Variants in LRRC1 observed in about 807,000 individuals in gnomAD.
LRRC1 encodes the protein leucine rich repeat containing 1.
A neutral mutation model predicts 69.9 loss-of-function variants in LRRC1; 28 were observed. The observed-to-expected ratio is 0.40, with a 90% CI of 0.30 to 0.55. LRRC1 has a LOEUF of 0.55. Ranked by LOEUF, LRRC1 falls within the 20% of genes least tolerant of loss-of-function variation. The pLI is 0.47. For synonymous variants in LRRC1, 236 were observed against 240.2 expected (o/e 0.98, Z 0.16); for missense variants, 498 against 609.0 (o/e 0.82, Z 1.92).
chr6:53,912,831 T>A (rs756073592), intron 10 of LRRC1, among the ~76,000 whole-genome samples: 12 of 152,218 alleles, frequency 7.9e-5, no homozygotes, highest in Non-Finnish European at 1.8e-4. Flanking sequence ...GTAGTATTTT[T>A]CCATGTGTTG....
intron 1 of LRRC1, among the ~76,000 whole-genome samples, chr6:53,808,975 G>A (rs1764713104): frequency 6.6e-6 from 1 of 152,160 alleles, no homozygotes; most frequent in Non-Finnish European, 1.5e-5. Flanking sequence ...CCCATTCTTT[G>A]GTGCTGGATT....
chr6:53,832,215 T>G (rs4640878), intron 1 of LRRC1, among the ~76,000 whole-genome samples: 3 of 152,026 alleles, frequency 2.0e-5, no homozygotes, highest in Non-Finnish European at 4.4e-5. Flanking sequence ...CAAGAGCCAT[T>G]TGTTATCCTT....
In LRRC1 at chr6:53,874,440, C is replaced by T. The variant is rs193083113; in HGVS notation, c.278-4553C>T. Among the ~76,000 whole-genome samples the T allele has an allele frequency of 3.3e-3, 506 of 152,026 alleles. 2 individuals carry two copies. The highest frequency in any genetic ancestry group is 0.011 in the African/African-American group (464 of 41,456). ...GCTATTATATTTATGCTATTACTTTCATAAATAAGCGATTATATTTATATA... is the reference window on the plus strand; with the variant it reads ...GCTATTATATTTATGCTATTACTTTTATAAATAAGCGATTATATTTATATA... On this transcript the variant is annotated intron_variant, in intron 2 of 13. Transcript: ENST00000370888.
chr6:53,849,031 A>G (rs151295137), intron 2 of LRRC1, among the ~76,000 whole-genome samples: 6,364 of 149,922 alleles, frequency 0.042, 187 homozygotes, highest in Non-Finnish European at 0.061. Flanking sequence ...TGCTGGGATT[A>G]CAGGCGTGAG....
At chr6:53,810,105 G>A (rs1390120582) in intron 1 of LRRC1, among the ~76,000 whole-genome samples, 1 of 152,206 alleles carries the variant, frequency 6.6e-6, no homozygotes, top group Non-Finnish European at 1.5e-5. Context: ...TGAGTGTGGG[G>A]TGGGCACTGT....
rs1206784966 is a variant in LRRC1, at chr6:53,842,112, A to T, written c.162A>T (p.Gln54His). ...TGTTAAACTCTTTTGTCTTTCAGCA[A>T]TTTTTCCAGCTAGTCAAATTACGAA... ...DANQLRELPE[Q>H]FFQLVKLRKL... The change falls in exon 2 of 14, where the codon CAA becomes CAT. Residue 54 changes from glutamine (Q) to histidine (H), a missense_variant and splice_region_variant. Around this residue, in one of 3 missense-constraint regions of LRRC1, gnomAD observed 266 missense variants for 383.9 expected, o/e 0.69. Transcript: ENST00000370888. The T allele has an allele frequency of 1.9e-6, 3 of 1,606,504 alleles. No individual in the cohort carries two copies. Among genetic ancestry groups the T allele is most frequent in the Non-Finnish European group, 2.6e-6 (3 of 1,173,896 alleles).
chr6:53,889,206 C>T (rs139543034), intron 4 of LRRC1, among the ~76,000 whole-genome samples: 103 of 152,218 alleles, frequency 6.8e-4, no homozygotes, highest in Middle Eastern at 3.4e-3. Flanking sequence ...TAAATGCTAA[C>T]AAGTGTTGTT....
chr6:53,846,563 T>C (rs1256730416), intron 2 of LRRC1, among the ~76,000 whole-genome samples: 1 of 152,226 alleles, frequency 6.6e-6, no homozygotes, highest in African/African-American at 2.4e-5. Context: ...AGTGACACAC[T>C]TCTCTTGTCT....
intron 1 of LRRC1, among the ~76,000 whole-genome samples, chr6:53,800,505 G>T (rs974995956): frequency 6.6e-6 from 1 of 151,740 alleles, no homozygotes. Context: ...GCCTGCCTCC[G>T]TCTCCTAAAG....
At chr6:53,920,533 G>T in intron 12 of LRRC1, 92 bp from the exon 13 acceptor site, 2 of 1,456,764 alleles carry the variant, frequency 1.4e-6, no homozygotes, top group Admixed American at 1.7e-5. Context: ...CTGGTCCTCC[G>T]TATAGATTCT....
At chr6:53,867,142 C>T (rs564041635) in intron 2 of LRRC1, among the ~76,000 whole-genome samples, 2 of 152,212 alleles carry the variant, frequency 1.3e-5, no homozygotes, top group South Asian at 2.1e-4. Context: ...TTGGGTGCCT[C>T]AGTTTGCTGA....
intron 2 of LRRC1, among the ~76,000 whole-genome samples, chr6:53,875,982 A>C (rs927996965): frequency 6.6e-6 from 1 of 152,148 alleles, no homozygotes; most frequent in African/African-American, 2.4e-5. Flanking sequence ...GCAGTTCTCA[A>C]CTTTTTTTGG....
chr6:53,821,721 C>T (rs1765120713), intron 1 of LRRC1, among the ~76,000 whole-genome samples: 1 of 152,152 alleles, frequency 6.6e-6, no homozygotes, highest in African/African-American at 2.4e-5. Flanking sequence ...TCTCTGTTAG[C>T]CTTTCTCAGA....
chr6:53,869,903 C>T (rs1331742349), intron 2 of LRRC1, among the ~76,000 whole-genome samples: 1 of 152,176 alleles, frequency 6.6e-6, no homozygotes, highest in African/African-American at 2.4e-5. Context: ...TTAAAGCAAA[C>T]CAGCAATCAA....
At chr6:53,911,186 A>G (rs1358268454) in intron 10 of LRRC1, among the ~76,000 whole-genome samples, 1 of 152,186 alleles carries the variant, frequency 6.6e-6, no homozygotes, top group Non-Finnish European at 1.5e-5. Flanking sequence ...TGGGAAAGGA[A>G]AAAGAAAAAT....
At chr6:53,904,282 T>G in intron 9 of LRRC1, 97 bp from the exon 10 acceptor site, 509 of 668,892 alleles carry the variant, frequency 7.6e-4, no homozygotes, top group Non-Finnish European at 9.9e-4. Flanking sequence ...TGTTGCTGGA[T>G]GAGATTATAT....
chr6:53,842,075 A>G, intron 1 of LRRC1, 35 bp from the exon 2 acceptor site: 1 of 1,313,798 alleles, frequency 7.6e-7, no homozygotes, highest in Non-Finnish European at 1.1e-6. Context: ...ATACAAACAT[A>G]TGTGAAATCT....
chr6:53,858,770 C>A (rs1766402607), intron 2 of LRRC1, among the ~76,000 whole-genome samples: 1 of 152,158 alleles, frequency 6.6e-6, no homozygotes, highest in Non-Finnish European at 1.5e-5. Context: ...CCCCTTTATC[C>A]TGCTAGAGGC....
chr6:53,874,863 A>G (rs1328789452), intron 2 of LRRC1, among the ~76,000 whole-genome samples: 2 of 152,218 alleles, frequency 1.3e-5, no homozygotes, highest in African/African-American at 2.4e-5. Flanking sequence ...CAAGTTTTCT[A>G]TCAAGAAAGG....
Sources: allele counts gnomAD v4.1 joint callset (sites outside exome capture counted in the v4.1 genomes callset), GRCh38; gene constraint gnomAD v4.1.1; regional missense constraint gnomAD v4.1.1; transcripts MANE v1.5; gene names NCBI Gene and HGNC (gene_info 2026-07-23, HGNC 2026-07-21).